Variants in BIRC6 observed in about 807,000 individuals in gnomAD.
BIRC6 encodes the protein baculoviral IAP repeat containing 6, also known as dual E2 ubiquitin-conjugating enzyme/E3 ubiquitin-protein ligase BIRC6.
A neutral mutation model predicts 503.3 loss-of-function variants in BIRC6; 98 were observed. The ratio of observed to expected loss-of-function variants is 0.19; its 90% CI spans 0.17 to 0.23. The LOEUF (loss-of-function observed/expected upper bound fraction) is 0.23. Among genes scored for constraint, BIRC6 ranks in the 10% least tolerant of loss-of-function variants. BIRC6 has a pLI of 1.00. For synonymous variants in BIRC6, 2,240 were observed against 2,078.7 expected (o/e 1.08, Z -2.11); for missense variants, 5,360 against 5,806.0 (o/e 0.92, Z 2.50).
chr2:32,552,309 C>T (rs559463171), intron 65 of BIRC6, among the ~76,000 whole-genome samples: 4 of 152,172 alleles, frequency 2.6e-5, no homozygotes, highest in African/African-American at 7.2e-5. Context: ...TTTAATAAAA[C>T]CTTCAAGTTC....
chr2:32,377,792 G>T, intron 2 of BIRC6, 23 bp downstream of exon 2: 2 of 1,588,282 alleles, frequency 1.3e-6, no homozygotes, highest in Non-Finnish European at 1.7e-6. Context: ...AAGTATCAAT[G>T]TGGTCCTCTA....
chr2:32,559,922 A>G (rs1291388328), intron 65 of BIRC6, among the ~76,000 whole-genome samples: 2 of 152,052 alleles, frequency 1.3e-5, no homozygotes, highest in African/African-American at 2.4e-5. Context: ...AGGCTGAGGC[A>G]GGAGAATTGC....
chr2:32,482,888 T>A (rs1447735430), intron 39 of BIRC6, among the ~76,000 whole-genome samples: 1 of 152,054 alleles, frequency 6.6e-6, no homozygotes, highest in Admixed American at 6.6e-5. Context: ...ATAAAGAGAA[T>A]GAAACTACAT....
At position 32,357,105 on chromosome 2, in the gene BIRC6, G is replaced by T; in HGVS notation, c.-57G>T. 1 of 1,380,748 alleles carries T rather than the reference G, an allele frequency of 7.2e-7. No individual in the cohort carries two copies. Among genetic ancestry groups the T allele is most frequent in the East Asian group, 2.9e-5 (1 of 33,928 alleles). 85.5% of individuals were successfully genotyped at this position (1,380,748 alleles called of 1,614,324 possible). On this transcript the variant is annotated 5_prime_UTR_variant, in exon 1 of 74. Transcript: ENST00000421745. The surrounding 1 kb of genome is among the most constrained non-coding windows in gnomAD (Gnocchi z 4.9). Reference sequence around the variant, plus strand: ...GCCGGGCGATCGACGTTCCGCGTGCGTGCGGGCGCCTGACTTCACTTCCGG... The same window carrying T: ...GCCGGGCGATCGACGTTCCGCGTGCTTGCGGGCGCCTGACTTCACTTCCGG...
intron 66 of BIRC6, among the ~76,000 whole-genome samples, chr2:32,576,701 T>C (rs1229313795): frequency 6.6e-6 from 1 of 152,178 alleles, no homozygotes; most frequent in Non-Finnish European, 1.5e-5. Context: ...GAAATCACCT[T>C]GTGAAGGAAT....
chr2:32,371,956 C>A (rs2036031960), intron 1 of BIRC6, among the ~76,000 whole-genome samples: 2 of 151,894 alleles, frequency 1.3e-5, no homozygotes, highest in Admixed American at 1.3e-4. Flanking sequence ...CAGGTGCCTG[C>A]CACCGTGCCC....
chr2:32,616,361 C>T (rs567234841), intron 73 of BIRC6, among the ~76,000 whole-genome samples: 1 of 151,548 alleles, frequency 6.6e-6, no homozygotes, highest in South Asian at 2.1e-4. Context: ...AGTTCGAGAC[C>T]AGCCTGGCCA....
chr2:32,389,480 C>A (rs1270733017), intron 4 of BIRC6, among the ~76,000 whole-genome samples: 1 of 151,686 alleles, frequency 6.6e-6, no homozygotes, highest in Admixed American at 6.6e-5. Context: ...AAAAATCATA[C>A]CTAAACCATC....
chr2:32,404,122 G>A (rs1187638374), intron 8 of BIRC6, among the ~76,000 whole-genome samples: 1 of 151,736 alleles, frequency 6.6e-6, no homozygotes, highest in African/African-American at 2.4e-5. Flanking sequence ...TAGAGAAAGG[G>A]TTTCTCCATG....
In BIRC6 at chr2:32,499,607, T is replaced by C. The variant is rs1380527184; in HGVS notation, c.8529T>C (p.Thr2843=). The C allele has an allele frequency of 6.2e-7, 1 of 1,613,784 alleles. No homozygotes were observed. The highest frequency in any genetic ancestry group is 2.2e-5 in the East Asian group (1 of 44,894). The change falls in exon 46 of 74, where the codon ACT becomes ACC. Residue 2843 remains threonine (T), a synonymous_variant. Coordinates refer to ENST00000421745, the MANE Select transcript of BIRC6 (RefSeq NM_016252.4). ...CCCAAGTGAAGCTCTTAGAATTCAC[T>C]CTGGAGCAGAATTTTGAAGTCGTTT... The part of the protein sequence containing the change: ...LDAQVKLLEF[T]LEQNFEVVSV...
intron 66 of BIRC6, among the ~76,000 whole-genome samples, chr2:32,582,651 G>C (rs934461259): frequency 6.6e-6 from 1 of 152,104 alleles, no homozygotes; most frequent in Non-Finnish European, 1.5e-5. Flanking sequence ...CGTAATCCCA[G>C]CTACCGAGGC....
rs565888377 is a variant in BIRC6, at chr2:32,464,435, T to C, written c.4942-74T>C. 6.4e-5 allele frequency: 90 copies of C among 1,413,644 alleles called. 2 individuals carry two copies. In the South Asian group the frequency reaches 1.2e-3, roughly 19 times the overall value. 87.6% of individuals were successfully genotyped at this position (1,413,644 alleles called of 1,614,324 possible). ...TAATCATGTTTATCTTCATAATATA[T>C]GTCCATGTGGTATTCTGCCACAATT... is the stretch of plus-strand genomic sequence containing the variant. On this transcript the variant is annotated intron_variant, in intron 24 of 73. Coordinates refer to ENST00000421745, the MANE Select transcript of BIRC6 (RefSeq NM_016252.4).
chr2:32,511,941 T>C (rs2054499265), intron 53 of BIRC6, among the ~76,000 whole-genome samples: 1 of 152,188 alleles, frequency 6.6e-6, no homozygotes, highest in South Asian at 2.1e-4. Context: ...ATTTAAAATA[T>C]CAGTGTTAAA....
At chr2:32,363,154 G>A (rs1194647463) in intron 1 of BIRC6, among the ~76,000 whole-genome samples, 1 of 151,956 alleles carries the variant, frequency 6.6e-6, no homozygotes, top group African/African-American at 2.4e-5. Context: ...AACATAGTGA[G>A]ACCTTGTCTC....
intron 8 of BIRC6, 34 bp downstream of exon 8, chr2:32,401,657 T>C: frequency 6.5e-7 from 1 of 1,545,762 alleles, no homozygotes; most frequent in Non-Finnish European, 8.7e-7. Flanking sequence ...ATTTAATAGA[T>C]GTTACATGTT....
In BIRC6 at chr2:32,416,057, T is replaced by G; in HGVS notation, c.2766T>G (p.Ile922Met). Reference protein sequence around the residue: ...VKILDLSNFEILAKVEPPKKE... With the variant: ...VKILDLSNFEMLAKVEPPKKE... Reference sequence around the variant, plus strand: ...TACTAGATCTTTCAAACTTTGAAATTTTGGCCAAAGTGGAGCCTCCCAAAA... The same window carrying G: ...TACTAGATCTTTCAAACTTTGAAATGTTGGCCAAAGTGGAGCCTCCCAAAA... The change falls in exon 10 of 74, where the codon ATT becomes ATG. Residue 922 changes from isoleucine (I) to methionine (M), a missense_variant. Physicochemically the swap from Ile to Met is conservative, Grantham distance 10. Transcript: ENST00000421745. The G allele has an allele frequency of 6.2e-7, 1 of 1,613,886 alleles. No homozygotes were observed. Among genetic ancestry groups the G allele is most frequent in the Non-Finnish European group, 8.5e-7 (1 of 1,179,860 alleles).
At chr2:32,465,224 T>C in intron 26 of BIRC6, 60 bp downstream of exon 26, 1 of 773,728 alleles carries the variant, frequency 1.3e-6, no homozygotes, top group East Asian at 3.3e-5. Flanking sequence ...GCCGGCCTTT[T>C]AAAGACTCAT....
At position 32,575,346 on chromosome 2, in the gene BIRC6, T is replaced by C. The variant is rs767091469; in HGVS notation, c.13335T>C (p.Asp4445=). The change falls in exon 66 of 74, where the codon GAT becomes GAC. Residue 4445 remains aspartate, a synonymous_variant. Coordinates refer to ENST00000421745, the MANE Select transcript of BIRC6 (RefSeq NM_016252.4). ...TLLAKMKTCV[D]TYTNRLRSKR... is the part of the protein sequence containing the mutation. ...TAGCCAAAATGAAGACCTGTGTTGA[T>C]ACCTATACCAACCGTTTAAGGTACT... The C allele has an allele frequency of 1.2e-6, 2 of 1,613,978 alleles. No individual in the cohort carries two copies. The highest frequency in any genetic ancestry group is 1.7e-5 in the Admixed American group (1 of 60,028).
intron 23 of BIRC6, among the ~76,000 whole-genome samples, chr2:32,455,105 G>A (rs1383333742): frequency 4.6e-5 from 7 of 152,016 alleles, no homozygotes; most frequent in African/African-American, 9.7e-5. Flanking sequence ...TGGGCCTGGC[G>A]CGGTGGCTCA....
Sources: allele counts gnomAD v4.1 joint callset (sites outside exome capture counted in the v4.1 genomes callset), GRCh38; gene constraint gnomAD v4.1.1; non-coding constraint Gnocchi (gnomAD v3.1); transcripts MANE v1.5; gene names NCBI Gene and HGNC (gene_info 2026-07-23, HGNC 2026-07-21).